The following CDC37 variants were observed in gnomAD, a reference collection of about 807,000 sequenced individuals.
CDC37 encodes the protein cell division cycle 37, HSP90 cochaperone.
Under a neutral mutation model 46.9 loss-of-function variants are expected in CDC37, and 9 were observed. The observed-to-expected ratio is 0.19, with a 90% CI of 0.12 to 0.33. The LOEUF (loss-of-function observed/expected upper bound fraction) is 0.33, where lower values mean the gene tolerates loss of function less well. Among genes scored for constraint, CDC37 ranks in the 10% least tolerant of loss-of-function variants. The pLI, the probability that CDC37 is intolerant of heterozygous loss-of-function variation, is 1.00. For synonymous variants in CDC37, 193 were observed against 191.0 expected (o/e 1.01, Z -0.09); for missense variants, 388 against 514.6 (o/e 0.75, Z 2.38).
intron 1 of CDC37, among the ~76,000 whole-genome samples, chr19:10,397,003 G>C (rs558366657): frequency 1.6e-4 from 24 of 152,234 alleles, no homozygotes; most frequent in Non-Finnish European, 1.9e-4. Flanking sequence ...GCCTTAGCGA[G>C]GACCCCTTCC....
chr19:10,398,411 C>T lies in CDC37; in HGVS notation c.103-2208G>A, dbSNP rs548797186. On this transcript the variant is annotated intron_variant, in intron 1 of 7. Transcript: ENST00000222005. The surrounding 1 kb of genome is among the most constrained non-coding windows in gnomAD (Gnocchi z 4.2). ...TGATCCCTAAAGGACCTCCTGTGAC[C>T]ATCTGACGATGTGGTGAGGGTGCTG... Among the ~76,000 whole-genome samples the T allele has an allele frequency of 6.6e-6, 1 of 152,348 alleles. No individual in the cohort carries two copies. Among genetic ancestry groups the T allele is most frequent in the South Asian group, 2.1e-4 (1 of 4,830 alleles).
rs2042454677 is a variant in CDC37, at chr19:10,391,272, C to T, written c.*279G>A. ...GACCCTCCCCAACTACCTGGTAGAC[C>T]AGCCTGGTGACCTCTGCCCTTCCCC... On this transcript the variant is annotated 3_prime_UTR_variant, in exon 8 of 8. Transcript: ENST00000222005. 4.3e-6 allele frequency: 2 copies of T among 465,602 alleles called. No individual in the cohort carries two copies. Among genetic ancestry groups the T allele is most frequent in the African/African-American group, 2.0e-5 (1 of 50,474 alleles). The allele number at this position is 465,602 out of a possible 1,614,324, so 28.8% of individuals were successfully genotyped here. A position where few individuals can be genotyped will look rare whatever the true frequency, so the allele number is the denominator to read the frequency against.
At position 10,393,723 on chromosome 19, in the gene CDC37, CCCAGCCTG is replaced by C; in HGVS notation, c.727-290_727-283del. On this transcript the variant is annotated intron_variant, in intron 5 of 7. Transcript: ENST00000222005. The surrounding 1 kb of genome is among the most constrained non-coding windows in gnomAD (Gnocchi z 4.9). The stretch of plus-strand genomic sequence containing the variant: ...CACCTCTAACTCAACATGGCCACCT[CCCAGCCTG>C]CCTTGTCCTTGGTCTCCCTAATCTC... The C allele has an allele frequency of 2.5e-6, 1 of 399,770 alleles. No individual in the cohort carries two copies. 24.8% of individuals were successfully genotyped at this position (399,770 alleles called of 1,614,324 possible).
intron 1 of CDC37, among the ~76,000 whole-genome samples, chr19:10,399,187 G>A (rs1403408721): frequency 6.6e-6 from 1 of 152,118 alleles, no homozygotes; most frequent in Admixed American, 6.6e-5. Flanking sequence ...AGGCCTACGT[G>A]GTCGAGCGTG....
chr19:10,395,229 T>A lies in CDC37; in HGVS notation c.602A>T (p.Glu201Val). ...VIWCIDLEVE[E>V]KCALMEQVAH... ...AGTCCCGGGGAAAGCTCCACTCACC[T>A]CCTCCACCTCTAGGTCAATGCACCA... The change falls in exon 4 of 8, where the codon GAG becomes GTG. Residue 201 changes from glutamate (E) to valine (V), a missense_variant and splice_region_variant. This residue lies in a region of CDC37 where 374 missense variants were observed against 467.4 expected (regional missense o/e 0.80). Coordinates refer to ENST00000222005, the MANE Select transcript of CDC37 (RefSeq NM_007065.4). 1 of 1,613,932 alleles carries A rather than the reference T, an allele frequency of 6.2e-7. No individual in the cohort carries two copies.
At chr19:10,395,820 A>G in intron 2 of CDC37, 108 bp downstream of exon 2, 1 of 1,073,084 alleles carries the variant, frequency 9.3e-7, no homozygotes, top group Non-Finnish European at 1.3e-6. Context: ...ACACTCTTCA[A>G]CTACACCACC....
intron 7 of CDC37, 126 bp downstream of exon 7, chr19:10,392,960 A>C (rs750998108): frequency 1.3e-6 from 1 of 784,404 alleles, no homozygotes; most frequent in Non-Finnish European, 2.2e-6. Flanking sequence ...AGGTGACACG[A>C]CCCCCCTTAC....
chr19:10,402,064 G>C lies in CDC37; in HGVS notation c.102+1314C>G, dbSNP rs551478328. ...CCCAGCTACTCAGGAGGCTGAGGCA[G>C]GAGAATCACTTGAACCCGGGAGGCA... On this transcript the variant is annotated intron_variant, in intron 1 of 7. Coordinates refer to ENST00000222005, the MANE Select transcript of CDC37 (RefSeq NM_007065.4). Among the ~76,000 whole-genome samples, 213 of 150,598 alleles carry C rather than the reference G, an allele frequency of 1.4e-3. 2 individuals carry two copies. The highest frequency in any genetic ancestry group is 6.9e-3 in the Middle Eastern group (2 of 288).
At position 10,393,937 on chromosome 19, in the gene CDC37, A is replaced by C. The variant is rs1312455636; in HGVS notation, c.727-496T>G. Among the ~76,000 whole-genome samples the C allele has an allele frequency of 6.6e-6, 1 of 152,110 alleles. No individual in the cohort carries two copies. The highest frequency in any genetic ancestry group is 6.6e-5 in the Admixed American group (1 of 15,262). Reference sequence around the variant, plus strand: ...AAACCCCGTCTCTACTAAAATACAAAAAATTAACCGGGCATGGTGGCACAT... The same window carrying C: ...AAACCCCGTCTCTACTAAAATACAACAAATTAACCGGGCATGGTGGCACAT... On this transcript the variant is annotated intron_variant, in intron 5 of 7. Coordinates refer to ENST00000222005, the MANE Select transcript of CDC37 (RefSeq NM_007065.4). The surrounding 1 kb of genome is among the most constrained non-coding windows in gnomAD (Gnocchi z 4.9).
At chr19:10,403,268 G>T (rs1001621897) in intron 1 of CDC37, 110 bp downstream of exon 1, 3 of 782,164 alleles carry the variant, frequency 3.8e-6, no homozygotes, top group African/African-American at 3.4e-5. Context: ...ATCCAGACTG[G>T]GGGGGTGAGA....
intron 5 of CDC37, among the ~76,000 whole-genome samples, chr19:10,394,773 C>A (rs1329787968): frequency 6.6e-6 from 1 of 151,836 alleles, no homozygotes; most frequent in Non-Finnish European, 1.5e-5. Context: ...CTCAGGTGAT[C>A]TGCCCACCTC....
At chr19:10,399,625 G>A (rs2042508207) in intron 1 of CDC37, among the ~76,000 whole-genome samples, 1 of 151,032 alleles carries the variant, frequency 6.6e-6, no homozygotes, top group Non-Finnish European at 1.5e-5. Flanking sequence ...AACATAGTGA[G>A]ATTCCATCTC....
chr19:10,397,128 C>T (rs2042496349), intron 1 of CDC37, among the ~76,000 whole-genome samples: 1 of 152,224 alleles, frequency 6.6e-6, no homozygotes, highest in Admixed American at 6.5e-5. Context: ...GTTTTGGGTA[C>T]TGCCCCCCTC....
rs781528421 is a variant in CDC37, at chr19:10,393,569, T to G, written c.727-128A>C. 2 of 982,024 alleles carry G rather than the reference T, an allele frequency of 2.0e-6. No individual in the cohort carries two copies. The highest frequency in any genetic ancestry group is 2.9e-6 in the Non-Finnish European group (2 of 686,072). The allele number at this position is 982,024 out of a possible 1,614,324, so 60.8% of individuals were successfully genotyped here. On this transcript the variant is annotated intron_variant, in intron 5 of 7. Transcript: ENST00000222005. The surrounding 1 kb of genome is among the most constrained non-coding windows in gnomAD (Gnocchi z 4.9). Reference sequence around the variant, plus strand: ...TCCCCAAGTCTATTCCTGACCTACATGAAGGGCTCCCCAAGGCCTGGGCTC... The same window carrying G: ...TCCCCAAGTCTATTCCTGACCTACAGGAAGGGCTCCCCAAGGCCTGGGCTC...
chr19:10,391,712 A>C lies in CDC37; in HGVS notation c.982-6T>G. On this transcript the variant is annotated splice_polypyrimidine_tract_variant and splice_region_variant and intron_variant, in intron 7 of 7. Transcript: ENST00000222005. Reference sequence around the variant, plus strand: ...TGCATGTGGTACTTTGCGTCCTGTGAGGAGAAGGCAGGCAGATGAGGTGGG... The same window carrying C: ...TGCATGTGGTACTTTGCGTCCTGTGCGGAGAAGGCAGGCAGATGAGGTGGG... 6.2e-7 allele frequency: 1 copy of C among 1,610,092 alleles called. No individual in the cohort carries two copies. The highest frequency in any genetic ancestry group is 1.1e-5 in the South Asian group (1 of 90,986).
rs1369935475 is a variant in CDC37 at position 10,398,142 on chromosome 19, T to A, written c.103-1939A>T. Among the ~76,000 whole-genome samples the A allele has an allele frequency of 6.6e-6, 1 of 152,186 alleles. No homozygotes were observed. Among genetic ancestry groups the A allele is most frequent in the Non-Finnish European group, 1.5e-5 (1 of 68,034 alleles). On this transcript the variant is annotated intron_variant, in intron 1 of 7. Transcript: ENST00000222005. This position sits in a 1 kb window ranked among gnomAD's most constrained non-coding sequence, Gnocchi z 4.2. ...CCACCAGGGAGGCCTGTGAAGCCCA[T>A]GCATTTGACCACGTGACCAGAGTCC...
At chr19:10,402,328 T>C (rs2145421867) in intron 1 of CDC37, among the ~76,000 whole-genome samples, 1 of 151,930 alleles carries the variant, frequency 6.6e-6, no homozygotes, top group Admixed American at 6.6e-5. Flanking sequence ...GATTCTGGGG[T>C]CTGGATTCGG....
At chr19:10,395,825 A>G in intron 2 of CDC37, 103 bp downstream of exon 2, 2 of 1,093,022 alleles carry the variant, frequency 1.8e-6, no homozygotes, top group South Asian at 1.4e-5. Context: ...CTTCAACTAC[A>G]CCACCGGGGT....
intron 1 of CDC37, among the ~76,000 whole-genome samples, chr19:10,399,777 C>A (rs1157219483): frequency 6.6e-6 from 1 of 151,294 alleles, no homozygotes; most frequent in Non-Finnish European, 1.5e-5. Context: ...TTAAAAAATA[C>A]AAAAATTAGC....
Sources: gnomAD v4.1 joint callset for allele counts (sites outside exome capture counted in the v4.1 genomes callset) on GRCh38, gnomAD v4.1.1 for gene constraint, gnomAD v4.1.1 regional missense constraint, Gnocchi (gnomAD v3.1) non-coding constraint, MANE v1.5 for transcripts, NCBI Gene and HGNC (gene_info 2026-07-23, HGNC 2026-07-21) for gene names.